AACS: variants seen among roughly 807,000 people sequenced by gnomAD.
The protein encoded by AACS is acetoacetate-CoA ligase.
A neutral mutation model predicts 83.1 loss-of-function variants in AACS; 69 were observed. The ratio of observed to expected loss-of-function variants is 0.83; its 90% CI spans 0.68 to 1.01. The LOEUF (loss-of-function observed/expected upper bound fraction) is 1.01, where lower values mean the gene tolerates loss of function less well. Among genes scored for constraint, AACS ranks in the 50% least tolerant of loss-of-function variants. AACS has a pLI of 0.00. For synonymous variants in AACS, 333 were observed against 343.4 expected (o/e 0.97, Z 0.33); for missense variants, 866 against 882.2 (o/e 0.98, Z 0.23).
At chr12:125,105,042 C>G (rs1460651268) in intron 7 of AACS, 1 of 152,012 alleles carries the variant, frequency 6.6e-6, no homozygotes, top group African/African-American at 2.4e-5. Flanking sequence ...ATGACCAGCT[C>G]TTGTGTGAAC....
rs1469764678 is a variant in AACS at position 125,103,085 on chromosome 12, A to ATGTACC, written c.767+5_767+10dup. On this transcript the variant is annotated splice_donor_region_variant and intron_variant, in intron 7 of 17. Coordinates refer to ENST00000316519, the MANE Select transcript of AACS (RefSeq NM_023928.5). ...ACCTTTCAAAGATTCCAAACAGGTAATGTACCGCATTCTGACCCACAGGTC... is the reference window on the plus strand; with the variant it reads ...ACCTTTCAAAGATTCCAAACAGGTAATGTACCTGTACCGCATTCTGACCCACAGGTC... The ATGTACC allele has an allele frequency of 6.2e-7, 1 of 1,613,070 alleles. No homozygotes were observed. The highest frequency in any genetic ancestry group is 2.2e-5 in the East Asian group (1 of 44,882).
At chr12:125,107,402 T>A in intron 8 of AACS, 134 bp downstream of exon 8, 1 of 1,234,452 alleles carries the variant, frequency 8.1e-7, no homozygotes. Flanking sequence ...GCAGCTTCTC[T>A]CCAAGTGGGG....
intron 3 of AACS, among the ~76,000 whole-genome samples, chr12:125,083,428 G>C (rs1956250433): frequency 6.6e-6 from 1 of 152,166 alleles, no homozygotes; most frequent in South Asian, 2.1e-4. Context: ...GGAGTCACTG[G>C]GGGGCCATTG....
chr12:125,141,984 T>C, intron 17 of AACS, 108 bp from the exon 18 acceptor site: 1 of 1,434,736 alleles, frequency 7.0e-7, no homozygotes, highest in Non-Finnish European at 9.6e-7. Context: ...CCATTCACTC[T>C]TGGCACTCCA....
intron 16 of AACS, among the ~76,000 whole-genome samples, 195 bp downstream of exon 16, chr12:125,135,047 G>T (rs1005687150): frequency 2.0e-5 from 3 of 151,922 alleles, no homozygotes; most frequent in African/African-American, 7.3e-5. Context: ...CTCAAATGGG[G>T]TCTTTAAGGT....
At position 125,129,063 on chromosome 12, in the gene AACS, C is replaced by T. The variant is rs1325726573; in HGVS notation, c.1424-272C>T. The T allele has an allele frequency of 3.2e-6, 1 of 308,140 alleles. No individual in the cohort carries two copies. 19.1% of individuals were successfully genotyped at this position (308,140 alleles called of 1,614,324 possible). A position where few individuals can be genotyped will look rare whatever the true frequency, so the allele number is the denominator to read the frequency against. The stretch of plus-strand genomic sequence containing the variant: ...TGACGACATATGCTATTCAAGGATG[C>T]GTGTGGATGGAGCAGAAATGTTAAC... On this transcript the variant is annotated intron_variant, in intron 13 of 17. Transcript: ENST00000316519. This position sits in a 1 kb window ranked among gnomAD's most constrained non-coding sequence, Gnocchi z 4.3.
intron 3 of AACS, among the ~76,000 whole-genome samples, chr12:125,079,629 T>C (rs1325755249): frequency 6.6e-6 from 1 of 152,098 alleles, no homozygotes; most frequent in Admixed American, 6.5e-5. Context: ...GCTCAAGCAA[T>C]TCACCTGCTT....
intron 17 of AACS, 31 bp from the exon 18 acceptor site, chr12:125,142,061 A>T: frequency 6.2e-7 from 1 of 1,612,846 alleles, no homozygotes; most frequent in Non-Finnish European, 8.5e-7. Flanking sequence ...TCAGGTTTAA[A>T]TGTTCCTGTT....
chr12:125,128,380 T>A lies in AACS; in HGVS notation c.1423+106T>A, dbSNP rs370315292. The A allele has an allele frequency of 3.4e-4, 341 of 1,001,574 alleles. No homozygotes were observed. The African/African-American group carries it at 4.9e-3, about 14-fold the overall frequency. The allele number at this position is 1,001,574 out of a possible 1,614,324, so 62.0% of individuals were successfully genotyped here. ...TGGACATAGTTCTCCAAAACAGCCCTCGGAGGGGAGGCCCCTGTCACTTGC... is the reference window on the plus strand; with the variant it reads ...TGGACATAGTTCTCCAAAACAGCCCACGGAGGGGAGGCCCCTGTCACTTGC... On this transcript the variant is annotated intron_variant, in intron 13 of 17. Transcript: ENST00000316519.
Position 125,089,950 on chromosome 12 carries a change from CCCATTCATCCATGCATCCT to C in AACS, c.473-1466_473-1448del, listed in dbSNP as rs1421763810. 4.6e-5 allele frequency among the ~76,000 whole-genome samples: 7 copies of C among 152,280 alleles called. No individual in the cohort carries two copies. The East Asian group carries it at 1.4e-3, about 29-fold the overall frequency. On this transcript the variant is annotated intron_variant, in intron 4 of 17. Transcript: ENST00000316519. Reference sequence around the variant, plus strand: ...TTATCTATCCTCCACCCATCATCTACCCATTCATCCATGCATCCTCCATTCATCATCCCTCATAGATCAT... The same window carrying C: ...TTATCTATCCTCCACCCATCATCTACCCATTCATCATCCCTCATAGATCAT...
chr12:125,078,008 C>T (rs1268723532), intron 3 of AACS: 6 of 396,778 alleles, frequency 1.5e-5, no homozygotes, highest in Admixed American at 1.2e-4. Context: ...CCATGCCCGG[C>T]CCCAGTTGGC....
intron 5 of AACS, 49 bp downstream of exon 5, chr12:125,091,572 C>T (rs1956487489): frequency 6.4e-7 from 1 of 1,572,956 alleles, no homozygotes; most frequent in Non-Finnish European, 8.7e-7. Flanking sequence ...CTGTGAGCAT[C>T]CTGGGCAGGG....
rs979492752 is a variant in AACS, at chr12:125,142,504, C to T, written c.*275C>T. The T allele has an allele frequency of 3.6e-5, 15 of 413,262 alleles. No homozygotes were observed. Among genetic ancestry groups the T allele is most frequent in the African/African-American group, 3.0e-4 (15 of 49,638 alleles). 25.6% of individuals were successfully genotyped at this position (413,262 alleles called of 1,614,324 possible). ...AGTGTGTGTCTTTGCACACACAGTG[C>T]AGCGGGAACGGTGGGGCTGGCTGGT... On this transcript the variant is annotated 3_prime_UTR_variant, in exon 18 of 18. Transcript: ENST00000316519.
intron 12 of AACS, 97 bp from the exon 13 acceptor site, chr12:125,128,064 T>C (rs1957273443): frequency 1.2e-6 from 1 of 819,428 alleles, no homozygotes; most frequent in African/African-American, 1.7e-5. Flanking sequence ...AGAGTAGATA[T>C]TTGTCCTCTT....
intron 8 of AACS, among the ~76,000 whole-genome samples, chr12:125,109,260 T>C (rs567793371): frequency 6.6e-6 from 1 of 152,248 alleles, no homozygotes; most frequent in South Asian, 2.1e-4. Context: ...GTCTTCCAAG[T>C]ACCTTGGACT....
intron 8 of AACS, among the ~76,000 whole-genome samples, chr12:125,108,086 T>G (rs1432830592): frequency 1.4e-4 from 22 of 152,240 alleles, no homozygotes; most frequent in Non-Finnish European, 1.5e-5. Flanking sequence ...GTAAAACTTA[T>G]GTCTGACCGT....
chr12:125,103,465 A>G (rs1956760913), intron 7 of AACS, among the ~76,000 whole-genome samples: 1 of 152,010 alleles, frequency 6.6e-6, no homozygotes, highest in Admixed American at 6.6e-5. Flanking sequence ...AGGCACACAT[A>G]TCTACACGTG....
At chr12:125,069,809 A>G (rs11058026) in intron 1 of AACS, among the ~76,000 whole-genome samples, 20,620 of 152,208 alleles carry the variant, frequency 0.14, 1,781 homozygotes, top group East Asian at 0.24. Context: ...CTGTTCTCAA[A>G]TAGCTCCGGG....
At chr12:125,127,371 C>G (rs1476746819) in intron 12 of AACS, 2 of 152,220 alleles carry the variant, frequency 1.3e-5, no homozygotes, top group Non-Finnish European at 2.9e-5. Context: ...GAGAAGACAT[C>G]ACATTTTATT....
Sources: allele counts gnomAD v4.1 joint callset (sites outside exome capture counted in the v4.1 genomes callset), GRCh38; gene constraint gnomAD v4.1.1; non-coding constraint Gnocchi (gnomAD v3.1); transcripts MANE v1.5; gene names NCBI Gene and HGNC (gene_info 2026-07-23, HGNC 2026-07-21).